PTPRR: variants seen among roughly 807,000 people sequenced by gnomAD.
The protein encoded by PTPRR is protein tyrosine phosphatase receptor type R, also known as receptor-type tyrosine-protein phosphatase R.
In PTPRR, 38 loss-of-function variants were observed where a neutral mutation model predicts 77.2. That is an observed-to-expected ratio of 0.49 (90% CI 0.38 to 0.65). PTPRR has a LOEUF of 0.65. Among genes scored for constraint, PTPRR ranks in the 30% least tolerant of loss-of-function variants. PTPRR has a pLI of 0.00. For missense variants in PTPRR, 744 were observed against 799.2 expected (o/e 0.93, Z 0.83); for synonymous variants, 299 against 283.1 (o/e 1.06, Z -0.57).
At chr12:70,760,839 G>A (rs993726756) in intron 4 of PTPRR, among the ~76,000 whole-genome samples, 2 of 152,298 alleles carry the variant, frequency 1.3e-5, no homozygotes, top group Middle Eastern at 6.8e-3. Context: ...TGTTAGAGCG[G>A]GATGGAGTAA....
chr12:70,845,704 C>T (rs751181086), intron 2 of PTPRR, among the ~76,000 whole-genome samples: 7 of 152,088 alleles, frequency 4.6e-5, no homozygotes, highest in Admixed American at 3.3e-4. Context: ...GATTCAGCAC[C>T]TAGTAGTTAT....
chr12:70,885,844 T>A (rs1893231966), intron 2 of PTPRR, among the ~76,000 whole-genome samples: 1 of 152,172 alleles, frequency 6.6e-6, no homozygotes, highest in African/African-American at 2.4e-5. Flanking sequence ...TATGGATGGT[T>A]TTTATTTCCG....
intron 2 of PTPRR, among the ~76,000 whole-genome samples, chr12:70,852,486 T>C (rs948132049): frequency 6.6e-6 from 1 of 152,190 alleles, no homozygotes; most frequent in Non-Finnish European, 1.5e-5. Flanking sequence ...ATTACTTCTT[T>C]TTATACCCTG....
chr12:70,734,622 C>T (rs1237019482), intron 6 of PTPRR, among the ~76,000 whole-genome samples: 1 of 152,052 alleles, frequency 6.6e-6, no homozygotes, highest in Non-Finnish European at 1.5e-5. Flanking sequence ...CTCAGTGGGA[C>T]TTATTCCTGC....
chr12:70,841,849 G>T (rs751936956), intron 2 of PTPRR, among the ~76,000 whole-genome samples: 60 of 151,984 alleles, frequency 3.9e-4, no homozygotes, highest in Non-Finnish European at 7.2e-4. Flanking sequence ...TTCATAATGA[G>T]AATATATGAA....
Position 70,693,721 on chromosome 12 carries a change from G to T in PTPRR, c.1279+4544C>A, listed in dbSNP as rs549495405. Among the ~76,000 whole-genome samples, 16 of 150,898 alleles carry T rather than the reference G, an allele frequency of 1.1e-4. 1 individual carries two copies. In the South Asian group the frequency reaches 3.4e-3, roughly 32 times the overall value. ...AGCTTGTACTAAAAAAAAAAGCCAA[G>T]AATTAAACAAAAAATGTATAATCAT... On this transcript the variant is annotated intron_variant, in intron 8 of 13. Transcript: ENST00000283228.
intron 6 of PTPRR, among the ~76,000 whole-genome samples, chr12:70,711,626 A>C (rs1888832198): frequency 6.6e-6 from 1 of 152,142 alleles, no homozygotes; most frequent in East Asian, 1.9e-4. Context: ...GAAGTCAAAA[A>C]AGAGCCCTTT....
intron 2 of PTPRR, among the ~76,000 whole-genome samples, chr12:70,802,777 T>C (rs1029730046): frequency 6.6e-6 from 1 of 152,216 alleles, no homozygotes; most frequent in Non-Finnish European, 1.5e-5. Context: ...TATCTTGAGA[T>C]GTAGCTTTTC....
In PTPRR at chr12:70,820,482, C is replaced by T. The variant is rs535075784; in HGVS notation, c.358-55704G>A. On this transcript the variant is annotated intron_variant, in intron 2 of 13. Transcript: ENST00000283228. Reference sequence around the variant, plus strand: ...CCGAGTACTTGGGACTACAGGCGCCCGCCACCACGCCTGGCTAATTTTTTG... The same window carrying T: ...CCGAGTACTTGGGACTACAGGCGCCTGCCACCACGCCTGGCTAATTTTTTG... Among the ~76,000 whole-genome samples, 13 of 152,296 alleles carry T rather than the reference C, an allele frequency of 8.5e-5. 1 individual carries two copies. The South Asian group carries it at 1.0e-3, about 12-fold the overall frequency.
intron 2 of PTPRR, among the ~76,000 whole-genome samples, chr12:70,870,833 C>A (rs1892946745): frequency 6.6e-6 from 1 of 152,174 alleles, no homozygotes; most frequent in African/African-American, 2.4e-5. Context: ...AAGATTTCCA[C>A]AGTATTATTG....
chr12:70,703,659 A>G (rs1472088313), intron 6 of PTPRR, among the ~76,000 whole-genome samples: 2 of 152,194 alleles, frequency 1.3e-5, no homozygotes, highest in African/African-American at 4.8e-5. Context: ...TATTTAGGGC[A>G]TTTGTGAGAA....
intron 10 of PTPRR, among the ~76,000 whole-genome samples, chr12:70,669,654 T>G (rs1887146134): frequency 6.6e-6 from 1 of 151,602 alleles, no homozygotes; most frequent in African/African-American, 2.4e-5. Flanking sequence ...ATCCTCAAAC[T>G]CCTGGGCTCA....
chr12:70,658,827 A>C (rs570631742), intron 12 of PTPRR, among the ~76,000 whole-genome samples: 1 of 141,164 alleles, frequency 7.1e-6, no homozygotes, highest in South Asian at 2.4e-4. Context: ...AATTTCAAGG[A>C]GTTCACTGAC....
chr12:70,746,005 T>C lies in PTPRR; in HGVS notation c.820A>G (p.Ile274Val). 1.2e-6 allele frequency: 2 copies of C among 1,614,050 alleles called. No individual in the cohort carries two copies. Among genetic ancestry groups the C allele is most frequent in the Non-Finnish European group, 1.7e-6 (2 of 1,179,938 alleles). Residue 274 changes from isoleucine (I) to valine (V), a missense_variant, in exon 6 of 14, where the codon ATC (isoleucine) becomes GTC (valine). Coordinates refer to ENST00000283228, the MANE Select transcript of PTPRR (RefSeq NM_002849.4). Reference protein sequence around the residue: ...EKNQEIHLSPITLQPALSEAK... With the variant: ...EKNQEIHLSPVTLQPALSEAK... ...TCGGACAGTGCTGGCTGTAATGTGA[T>C]GGGCGATAGGTGGATCTCCTGGTTT...
intron 2 of PTPRR, among the ~76,000 whole-genome samples, chr12:70,868,022 A>G (rs1892887679): frequency 6.6e-6 from 1 of 152,308 alleles, no homozygotes; most frequent in East Asian, 1.9e-4. Flanking sequence ...CTTACACCTT[A>G]TACAAAAATT....
At chr12:70,828,189 A>G (rs972722599) in intron 2 of PTPRR, among the ~76,000 whole-genome samples, 4 of 152,182 alleles carry the variant, frequency 2.6e-5, no homozygotes, top group Admixed American at 2.6e-4. Context: ...GATAAATAAA[A>G]CTGTCTTGTC....
intron 11 of PTPRR, 37 bp from the exon 12 acceptor site, chr12:70,661,134 T>C (rs764525419): frequency 9.5e-6 from 15 of 1,580,378 alleles, no homozygotes; most frequent in South Asian, 6.9e-5. Flanking sequence ...CCTCATTCAC[T>C]TGTAGAACTA....
At chr12:70,768,308 A>G (rs1448019691) in intron 2 of PTPRR, among the ~76,000 whole-genome samples, 1 of 151,912 alleles carries the variant, frequency 6.6e-6, no homozygotes, top group Non-Finnish European at 1.5e-5. Flanking sequence ...TAGACGCAAT[A>G]AAAAATGATA....
chr12:70,687,981 AT>A (rs969072145), intron 8 of PTPRR, among the ~76,000 whole-genome samples: 35 of 152,206 alleles, frequency 2.3e-4, no homozygotes, highest in African/African-American at 8.4e-4. Flanking sequence ...AAAGCACTTC[AT>A]TTTCCCCCAA....
Sources: allele counts gnomAD v4.1 joint callset (sites outside exome capture counted in the v4.1 genomes callset), GRCh38; gene constraint gnomAD v4.1.1; transcripts MANE v1.5; gene names NCBI Gene and HGNC (gene_info 2026-07-23, HGNC 2026-07-21).